CPA6: variants seen among roughly 807,000 people sequenced by gnomAD.
CPA6 encodes carboxypeptidase A6.
A neutral mutation model predicts 63.3 loss-of-function variants in CPA6; 58 were observed. That is an observed-to-expected ratio of 0.92 (90% CI 0.74 to 1.14). The LOEUF (loss-of-function observed/expected upper bound fraction) is 1.14. CPA6 is among the 50% of genes most tolerant of loss of function. CPA6 has a pLI of 0.00. For synonymous variants in CPA6, 185 were observed against 179.0 expected, an observed-to-expected ratio of 1.03 and a Z score of -0.27; for missense variants, 565 against 526.6, an observed-to-expected ratio of 1.07 and a Z score of -0.71.
chr8:67,535,274 A>G (rs2128969641), intron 2 of CPA6, among the ~76,000 whole-genome samples: 1 of 152,320 alleles, frequency 6.6e-6, no homozygotes, highest in Middle Eastern at 3.4e-3. Flanking sequence ...TCCTTGAGGA[A>G]TCACCACACT....
intron 8 of CPA6, among the ~76,000 whole-genome samples, chr8:67,475,755 TTTTC>T (rs1276841861): frequency 1.5e-4 from 22 of 144,506 alleles, no homozygotes; most frequent in East Asian, 6.0e-4. Flanking sequence ...TTCTTTCTTT[TTTTC>T]TTTCTTTCTC....
chr8:67,451,125 C>T (rs779376466), intron 8 of CPA6, among the ~76,000 whole-genome samples: 1 of 152,186 alleles, frequency 6.6e-6, no homozygotes, highest in Non-Finnish European at 1.5e-5. Flanking sequence ...AGGGAAGGTG[C>T]TTGTACCTTA....
intron 6 of CPA6, among the ~76,000 whole-genome samples, chr8:67,500,379 T>C (rs1206411904): frequency 2.0e-5 from 3 of 152,236 alleles, no homozygotes; most frequent in Admixed American, 6.5e-5. Flanking sequence ...CATTTTCTCA[T>C]TGGATTGCTT....
intron 1 of CPA6, among the ~76,000 whole-genome samples, chr8:67,675,815 GATA>G (rs1238534748): frequency 6.6e-6 from 1 of 152,190 alleles, no homozygotes; most frequent in Non-Finnish European, 1.5e-5. Context: ...TCCTTTGGAG[GATA>G]ATGAGGAGCT....
At chr8:67,709,984 G>A (rs1339979552) in intron 1 of CPA6, among the ~76,000 whole-genome samples, 2 of 151,970 alleles carry the variant, frequency 1.3e-5, no homozygotes, top group South Asian at 2.1e-4. Context: ...ATGGTGGTGC[G>A]TGCCTGTAAT....
At chr8:67,653,103 T>C (rs1367623021) in intron 1 of CPA6, among the ~76,000 whole-genome samples, 1 of 152,128 alleles carries the variant, frequency 6.6e-6, no homozygotes, top group African/African-American at 2.4e-5. Context: ...GATCTATATC[T>C]CTGTTTTGGT....
intron 2 of CPA6, among the ~76,000 whole-genome samples, chr8:67,577,942 C>T (rs552636350): frequency 6.6e-6 from 1 of 152,150 alleles, no homozygotes; most frequent in Non-Finnish European, 1.5e-5. Flanking sequence ...AAATTGTTCC[C>T]TTAGAGCAGG....
At chr8:67,641,053 C>T (rs1563373400) in intron 1 of CPA6, among the ~76,000 whole-genome samples, 1 of 151,716 alleles carries the variant, frequency 6.6e-6, no homozygotes. Flanking sequence ...GGACCCACCG[C>T]TGCCACTGCT....
At chr8:67,430,444 C>T (rs920433556) in intron 9 of CPA6, among the ~76,000 whole-genome samples, 8 of 151,874 alleles carry the variant, frequency 5.3e-5, no homozygotes, top group African/African-American at 1.9e-4. Context: ...CTTGGCCTCC[C>T]AAAATAGTAT....
At chr8:67,686,005 T>G (rs1349700963) in intron 1 of CPA6, among the ~76,000 whole-genome samples, 1 of 152,224 alleles carries the variant, frequency 6.6e-6, no homozygotes, top group Admixed American at 6.5e-5. Context: ...TTCACAGCAC[T>G]CACTGCCGCT....
At chr8:67,470,722 A>G (rs570619649) in intron 8 of CPA6, among the ~76,000 whole-genome samples, 1 of 152,196 alleles carries the variant, frequency 6.6e-6, no homozygotes, top group South Asian at 2.1e-4. Flanking sequence ...ATGGTTGCTT[A>G]TCTCCATTTT....
At chr8:67,497,343 G>A (rs1004370018) in intron 6 of CPA6, among the ~76,000 whole-genome samples, 5 of 152,126 alleles carry the variant, frequency 3.3e-5, no homozygotes, top group African/African-American at 7.2e-5. Flanking sequence ...TCATATAAAC[G>A]GAGTGATACA....
chr8:67,617,037 G>A (rs1267815506), intron 2 of CPA6, among the ~76,000 whole-genome samples: 1 of 152,194 alleles, frequency 6.6e-6, no homozygotes, highest in African/African-American at 2.4e-5. Flanking sequence ...TTAACAATTA[G>A]TCTCAAAACA....
intron 2 of CPA6, among the ~76,000 whole-genome samples, chr8:67,550,683 C>T (rs562754668): frequency 6.6e-6 from 1 of 152,298 alleles, no homozygotes; most frequent in South Asian, 2.1e-4. Flanking sequence ...TTTTTCTCCT[C>T]AGCCTTGGCA....
intron 2 of CPA6, among the ~76,000 whole-genome samples, chr8:67,530,206 T>G (rs1812449156): frequency 9.2e-6 from 1 of 109,146 alleles, no homozygotes; most frequent in South Asian, 2.8e-4. Context: ...AACAAAATGG[T>G]AAAAAGACAG....
At chr8:67,632,838 A>C (rs544268879) in intron 1 of CPA6, among the ~76,000 whole-genome samples, 1 of 152,338 alleles carries the variant, frequency 6.6e-6, no homozygotes, top group African/African-American at 2.4e-5. Flanking sequence ...TTGCATTGGT[A>C]TTTATGACCT....
intron 3 of CPA6, among the ~76,000 whole-genome samples, chr8:67,517,365 G>A (rs11994812): frequency 0.028 from 4,183 of 151,882 alleles, 190 homozygotes; most frequent in African/African-American, 0.094. Context: ...CCTTCACCCC[G>A]CCCCACTAAC....
rs1216938446 is a variant in CPA6 at position 67,610,395 on chromosome 8, GA to G, written c.192+13780del. Among the ~76,000 whole-genome samples the G allele has an allele frequency of 2.6e-5, 4 of 151,734 alleles. No individual in the cohort carries two copies. The East Asian group carries it at 7.7e-4, about 29-fold the overall frequency. On this transcript the variant is annotated intron_variant, in intron 2 of 10. Transcript: ENST00000297770. ...TTCTCTTTGAGAAAAAAAAAAGAGA[GA>G]AAAAAAATACCATACTCATTGTTAC...
chr8:67,443,488 T>C (rs925596612), intron 8 of CPA6, among the ~76,000 whole-genome samples: 1 of 151,774 alleles, frequency 6.6e-6, no homozygotes, highest in African/African-American at 2.4e-5. Context: ...AACTGTGAAG[T>C]TTTTTTTTAA....
Sources: gnomAD v4.1 joint callset for allele counts (sites outside exome capture counted in the v4.1 genomes callset) on GRCh38, gnomAD v4.1.1 for gene constraint, MANE v1.5 for transcripts, NCBI Gene and HGNC (gene_info 2026-07-23, HGNC 2026-07-21) for gene names.